ZCCHC7: variants seen among roughly 807,000 people sequenced by gnomAD.
The protein encoded by ZCCHC7 is zinc finger CCHC domain-containing protein 7.
Under a neutral mutation model 52.0 loss-of-function variants are expected in ZCCHC7, and 35 were observed. The observed-to-expected ratio is 0.67, with a 90% CI of 0.51 to 0.89. The LOEUF is 0.89. Ranked by LOEUF, ZCCHC7 falls within the 40% of genes least tolerant of loss-of-function variation. The pLI is 0.00. For missense variants in ZCCHC7, 574 were observed against 649.1 expected, an observed-to-expected ratio of 0.88 and a Z score of 1.26; for synonymous variants, 217 against 221.5, an observed-to-expected ratio of 0.98 and a Z score of 0.18.
intron 1 of ZCCHC7, among the ~76,000 whole-genome samples, chr9:37,122,836 C>A (rs1401085060): frequency 6.6e-6 from 1 of 152,122 alleles, no homozygotes; most frequent in African/African-American, 2.4e-5. Context: ...ACTTGGGAGG[C>A]GGAGGCAGGA....
intron 2 of ZCCHC7, among the ~76,000 whole-genome samples, chr9:37,237,822 G>A (rs951446493): frequency 1.3e-5 from 2 of 152,102 alleles, no homozygotes. Flanking sequence ...AGTAGCACTG[G>A]ATTATTGGGA....
At chr9:37,275,034 T>G (rs917165851) in intron 2 of ZCCHC7, among the ~76,000 whole-genome samples, 2 of 152,244 alleles carry the variant, frequency 1.3e-5, no homozygotes, top group African/African-American at 4.8e-5. Flanking sequence ...TTATACTAAT[T>G]ATTGATATCT....
intron 2 of ZCCHC7, among the ~76,000 whole-genome samples, chr9:37,159,049 A>G (rs532932328): frequency 5.3e-5 from 8 of 152,344 alleles, no homozygotes; most frequent in Non-Finnish European, 1.0e-4. Flanking sequence ...TTGGGGCACA[A>G]TCAGAAATAA....
At chr9:37,324,205 TTC>T (rs1830154708) in intron 5 of ZCCHC7, among the ~76,000 whole-genome samples, 1 of 152,200 alleles carries the variant, frequency 6.6e-6, no homozygotes, top group Non-Finnish European at 1.5e-5. Context: ...CACCAGAGGA[TTC>T]TGTTAAAAAG....
chr9:37,136,869 C>G (rs1843019437), intron 2 of ZCCHC7, among the ~76,000 whole-genome samples: 1 of 152,244 alleles, frequency 6.6e-6, no homozygotes, highest in Admixed American at 6.5e-5. Flanking sequence ...AGCTCAAGCT[C>G]CCACCTTGGC....
At chr9:37,344,117 A>G (rs1444843552) in intron 6 of ZCCHC7, among the ~76,000 whole-genome samples, 2 of 152,204 alleles carry the variant, frequency 1.3e-5, no homozygotes, top group Non-Finnish European at 1.5e-5. Flanking sequence ...GTTCGAGACC[A>G]GCCTCAGCAG....
Position 37,357,101 on chromosome 9 carries a change from C to CAGA in ZCCHC7, c.1468_1470dup (p.Lys490dup). 1 of 1,613,760 alleles carries CAGA rather than the reference C, an allele frequency of 6.2e-7. No homozygotes were observed. Among genetic ancestry groups the CAGA allele is most frequent in the Non-Finnish European group, 8.5e-7 (1 of 1,179,970 alleles). On this transcript the variant is annotated inframe_insertion, in exon 9 of 9. Coordinates refer to ENST00000336755, the MANE Select transcript of ZCCHC7 (RefSeq NM_032226.3). The stretch of plus-strand genomic sequence containing the variant: ...CTCTTCTCCTGGCAGTTTTAAAACC[C>CAGA]AGAAGCCTTCTAAGCCCTTTCACCG...
chr9:37,163,346 C>G (rs1480165201), intron 2 of ZCCHC7, among the ~76,000 whole-genome samples: 1 of 147,544 alleles, frequency 6.8e-6, no homozygotes, highest in African/African-American at 2.5e-5. Context: ...CAAGATCATG[C>G]CACTGCACCC....
intron 2 of ZCCHC7, among the ~76,000 whole-genome samples, chr9:37,199,406 G>C (rs571433266): frequency 2.8e-5 from 4 of 141,448 alleles, no homozygotes; most frequent in African/African-American, 1.1e-4. Context: ...ATCTCAGCTC[G>C]CTGCAACCTC....
chr9:37,285,475 A>G (rs1828163174), intron 2 of ZCCHC7, among the ~76,000 whole-genome samples: 1 of 151,618 alleles, frequency 6.6e-6, no homozygotes, highest in Non-Finnish European at 1.5e-5. Flanking sequence ...ATTTTTCTAT[A>G]TTGGTTGTAC....
intron 6 of ZCCHC7, among the ~76,000 whole-genome samples, chr9:37,328,042 T>G (rs1830321037): frequency 6.6e-6 from 1 of 152,116 alleles, no homozygotes; most frequent in South Asian, 2.1e-4. Context: ...TTTGATTTTT[T>G]TATTACTCAC....
chr9:37,349,206 C>A (rs1261794827), intron 6 of ZCCHC7, 151 bp from the exon 7 acceptor site: 2 of 636,194 alleles, frequency 3.1e-6, no homozygotes, highest in Non-Finnish European at 5.4e-6. Context: ...ATGTTATATA[C>A]TTTAATATAT....
intron 2 of ZCCHC7, among the ~76,000 whole-genome samples, chr9:37,199,837 T>G (rs1823530863): frequency 6.6e-6 from 1 of 152,036 alleles, no homozygotes; most frequent in Admixed American, 6.5e-5. Context: ...TCCCAGTAGC[T>G]GGGACTACAG....
chr9:37,152,241 GTT>G (rs11338917), intron 2 of ZCCHC7, among the ~76,000 whole-genome samples: 24 of 149,744 alleles, frequency 1.6e-4, no homozygotes, highest in African/African-American at 4.9e-4. Flanking sequence ...GCTGTTTTTT[GTT>G]TTTTTTTTTA....
intron 2 of ZCCHC7, among the ~76,000 whole-genome samples, chr9:37,225,641 T>A (rs1193540376): frequency 6.6e-6 from 1 of 152,160 alleles, no homozygotes; most frequent in African/African-American, 2.4e-5. Flanking sequence ...AACGTGAAAA[T>A]TAAGCAACAT....
chr9:37,153,574 A>T (rs1820654590), intron 2 of ZCCHC7, among the ~76,000 whole-genome samples: 1 of 151,538 alleles, frequency 6.6e-6, no homozygotes, highest in Non-Finnish European at 1.5e-5. Context: ...TCGGCCTCCC[A>T]AAATGTTGGG....
intron 6 of ZCCHC7, among the ~76,000 whole-genome samples, chr9:37,338,569 C>T (rs1330241749): frequency 1.3e-5 from 2 of 152,120 alleles, no homozygotes; most frequent in African/African-American, 4.8e-5. Flanking sequence ...TACAGAGATA[C>T]AGGAAATATC....
chr9:37,249,457 T>C (rs1458058372), intron 2 of ZCCHC7, among the ~76,000 whole-genome samples: 4 of 30,432 alleles, frequency 1.3e-4, no homozygotes, highest in Admixed American at 8.9e-4. Flanking sequence ...TTCTTCTTCC[T>C]TTTTTTTTTT....
chr9:37,356,140 G>A (rs942711501), intron 8 of ZCCHC7, among the ~76,000 whole-genome samples: 6 of 151,832 alleles, frequency 4.0e-5, no homozygotes, highest in African/African-American at 1.5e-4. Flanking sequence ...AGTTTTTATT[G>A]GCCACTTTTT....
Sources: allele counts gnomAD v4.1 joint callset (sites outside exome capture counted in the v4.1 genomes callset), GRCh38; gene constraint gnomAD v4.1.1; transcripts MANE v1.5; gene names NCBI Gene and HGNC (gene_info 2026-07-23, HGNC 2026-07-21).